Variants in PCDHGA1 observed in about 807,000 individuals in gnomAD.
PCDHGA1 encodes the protein protocadherin gamma-A1.
In PCDHGA1, 32 loss-of-function variants were observed where a neutral mutation model predicts 58.0. The ratio of observed to expected loss-of-function variants is 0.55; its 90% confidence interval spans 0.42 to 0.74. The LOEUF (loss-of-function observed/expected upper bound fraction) is 0.74. PCDHGA1 is among the 30% of genes least tolerant of loss of function. The probability of loss-of-function intolerance (pLI) is 0.00; values close to 1 mark genes in which losing one functional copy is unlikely to be tolerated. For synonymous variants in PCDHGA1, 498 were observed against 501.1 expected (o/e 0.99, Z 0.08); for missense variants, 1,205 against 1,182.3 (o/e 1.02, Z -0.28).
intron 2 of PCDHGA1, among the ~76,000 whole-genome samples, chr5:141,496,856 G>A (rs1324235700): frequency 6.7e-6 from 1 of 150,206 alleles, no homozygotes; most frequent in African/African-American, 2.5e-5. Context: ...CAGACCAGCA[G>A]AGGAGACTGA....
At chr5:141,413,316 T>C (rs769316460) in intron 1 of PCDHGA1, 13 of 1,613,976 alleles carry the variant, frequency 8.1e-6, no homozygotes, top group Non-Finnish European at 1.1e-5. Flanking sequence ...AGAAAGGCTC[T>C]TTCGTGGGCA....
intron 1 of PCDHGA1, chr5:141,415,739 G>GTTTTT (rs1561759437): frequency 2.3e-6 from 1 of 434,538 alleles, no homozygotes; most frequent in African/African-American, 3.3e-5. Flanking sequence ...TGTTTATTAA[G>GTTTTT]GTTTTTTTTT....
intron 1 of PCDHGA1, among the ~76,000 whole-genome samples, chr5:141,433,837 C>CAAAAAAAA (rs56191208): frequency 1.9e-4 from 21 of 111,692 alleles, no homozygotes; most frequent in Admixed American, 5.9e-4. Context: ...AACTCTATCT[C>CAAAAAAAA]AAAAAAAAAA....
chr5:141,393,480 T>A (rs1026854698), intron 1 of PCDHGA1: 1 of 1,614,062 alleles, frequency 6.2e-7, no homozygotes, highest in Non-Finnish European at 8.5e-7. Context: ...GCCGCCTCGC[T>A]CTAGCACAGT....
At chr5:141,421,718 G>C (rs778263773) in intron 1 of PCDHGA1, 1 of 1,613,966 alleles carries the variant, frequency 6.2e-7, no homozygotes, top group Middle Eastern at 1.7e-4. Context: ...CCAGATGTGG[G>C]CGTGAACTCC....
At position 141,477,886 on chromosome 5, in the gene PCDHGA1, G is replaced by A. The variant is rs2099422999; in HGVS notation, c.2422-16921G>A. 2 of 1,614,188 alleles carry A rather than the reference G, an allele frequency of 1.2e-6. No homozygotes were observed. The highest frequency in any genetic ancestry group is 1.7e-6 in the Non-Finnish European group (2 of 1,180,040). ...GAGGTACCTCAGCTGGCCACCTAGT[G>A]TCACGGGTGGTAGGCTGGGACGCGG... On this transcript the variant is annotated intron_variant, in intron 1 of 3. Transcript: ENST00000517417. The surrounding 1 kb of genome is among the most constrained non-coding windows in gnomAD (Gnocchi z 4.9).
chr5:141,383,387 G>A lies in PCDHGA1; in HGVS notation c.2421+50282G>A, dbSNP rs1779095569. ...AGCGAGGCTGGGGATCCAGATGTGG[G>A]CACGAACTCCCTCCAGAGTTACCAG... is the stretch of plus-strand genomic sequence containing the variant. On this transcript the variant is annotated intron_variant, in intron 1 of 3. Coordinates refer to ENST00000517417, the MANE Select transcript of PCDHGA1 (RefSeq NM_018912.3). 3.7e-6 allele frequency: 6 copies of A among 1,614,010 alleles called. No individual in the cohort carries two copies. The East Asian group carries it at 1.3e-4, about 36-fold the overall frequency.
rs200491568 is a variant in PCDHGA1, at chr5:141,493,146, G to A, written c.2422-1661G>A. 9.6e-6 allele frequency among the ~76,000 whole-genome samples: 1 copy of A among 104,172 alleles called. No homozygotes were observed. The highest frequency in any genetic ancestry group is 3.1e-5 in the African/African-American group (1 of 32,680). 68.3% of individuals were successfully genotyped at this position (104,172 alleles called of 152,430 possible). A position where few individuals can be genotyped will look rare whatever the true frequency, so the allele number is the denominator to read the frequency against. On this transcript the variant is annotated intron_variant, in intron 1 of 3. Transcript: ENST00000517417. The surrounding 1 kb of genome is among the most constrained non-coding windows in gnomAD (Gnocchi z 4.3). ...AGGACTGTATTTTGAAACACCCCCA[G>A]GTGATTTTGATAGCTGATTGAGAGA... is the stretch of plus-strand genomic sequence containing the variant.
chr5:141,399,643 C>T, intron 1 of PCDHGA1: 1 of 1,613,832 alleles, frequency 6.2e-7, no homozygotes, highest in Non-Finnish European at 8.5e-7. Context: ...CATGAGCGCG[C>T]AAAGTGGGGT....
At chr5:141,350,637 A>G (rs765774717) in intron 1 of PCDHGA1, 1 of 1,614,020 alleles carries the variant, frequency 6.2e-7, no homozygotes, top group Non-Finnish European at 8.5e-7. Context: ...ATTAATGACA[A>G]TGCACCACGT....
At chr5:141,414,897 C>G in intron 1 of PCDHGA1, 1 of 1,614,230 alleles carries the variant, frequency 6.2e-7, no homozygotes, top group Non-Finnish European at 8.5e-7. Flanking sequence ...TCCCCACAGA[C>G]GGTTCCACAG....
intron 1 of PCDHGA1, among the ~76,000 whole-genome samples, chr5:141,386,699 G>A (rs2150319335): frequency 6.6e-6 from 1 of 152,226 alleles, no homozygotes; most frequent in Non-Finnish European, 1.5e-5. Context: ...TGGGGTAGAA[G>A]ACAATGTTGC....
chr5:141,332,404 G>T lies in PCDHGA1; in HGVS notation c.1720G>T (p.Gly574Cys). The change falls in exon 1 of 4, where the codon GGC (glycine) becomes TGC (cysteine). Residue 574 changes from glycine (G) to cysteine (C), a missense_variant. Coordinates refer to ENST00000517417, the MANE Select transcript of PCDHGA1 (RefSeq NM_018912.3). This position sits in a 1 kb window ranked among gnomAD's most constrained non-coding sequence, Gnocchi z 4.6. ...CGCCCTCCCCACAGATGGTTCTACCGGCGTGGAGCTGGCGCCCCTCTCCGC... is the reference window on the plus strand; with the variant it reads ...CGCCCTCCCCACAGATGGTTCTACCTGCGTGGAGCTGGCGCCCCTCTCCGC... ...YPALPTDGST[G>C]VELAPLSAEP... 1.9e-6 allele frequency: 3 copies of T among 1,614,146 alleles called. No individual in the cohort carries two copies. Among genetic ancestry groups the T allele is most frequent in the Non-Finnish European group, 2.5e-6 (3 of 1,180,032 alleles).
At chr5:141,346,480 T>G in intron 1 of PCDHGA1, 1 of 1,613,508 alleles carries the variant, frequency 6.2e-7, no homozygotes, top group Non-Finnish European at 8.5e-7. Flanking sequence ...ATTTCTTTGA[T>G]TATTAAGAAC....
intron 1 of PCDHGA1, chr5:141,421,138 G>T (rs2096548427): frequency 1.1e-6 from 1 of 899,466 alleles, no homozygotes. Context: ...ATATATTTTG[G>T]ATGTAGTCGG....
chr5:141,499,689 C>CTTTT (rs545067566), intron 2 of PCDHGA1, among the ~76,000 whole-genome samples: 17 of 119,848 alleles, frequency 1.4e-4, no homozygotes, highest in East Asian at 2.4e-4. Context: ...TAACAGATGA[C>CTTTT]TTTTTTTTTT....
Position 141,487,522 on chromosome 5 carries a change from T to G in PCDHGA1, c.2422-7285T>G, listed in dbSNP as rs764726787. Reference sequence around the variant, plus strand: ...TGGCTTCTGCACCCACTCGGAGTGATAGCTTCATGATGGTGAAGTCACCCA... The same window carrying G: ...TGGCTTCTGCACCCACTCGGAGTGAGAGCTTCATGATGGTGAAGTCACCCA... On this transcript the variant is annotated intron_variant, in intron 1 of 3. Transcript: ENST00000517417. This position sits in a 1 kb window ranked among gnomAD's most constrained non-coding sequence, Gnocchi z 5.0. The G allele has an allele frequency of 6.2e-7, 1 of 1,614,166 alleles. No individual in the cohort carries two copies. The highest frequency in any genetic ancestry group is 8.5e-7 in the Non-Finnish European group (1 of 1,180,022).
At chr5:141,364,315 G>A (rs371423509) in intron 1 of PCDHGA1, 156 of 1,524,232 alleles carry the variant, frequency 1.0e-4, no homozygotes, top group Non-Finnish European at 1.2e-4. Flanking sequence ...AGAGAAAATT[G>A]GGCAGAGAGA....
chr5:141,356,494 C>G, intron 1 of PCDHGA1: 1 of 1,613,998 alleles, frequency 6.2e-7, no homozygotes, highest in Non-Finnish European at 8.5e-7. Flanking sequence ...AACTCCTCCA[C>G]TGTCTACAGA....
Sources: allele counts gnomAD v4.1 joint callset (sites outside exome capture counted in the v4.1 genomes callset), GRCh38; gene constraint gnomAD v4.1.1; non-coding constraint Gnocchi (gnomAD v3.1); transcripts MANE v1.5; gene names NCBI Gene and HGNC (gene_info 2026-07-23, HGNC 2026-07-21).